The following INSYN2A variants were observed in gnomAD, a reference collection of about 807,000 sequenced individuals.
The protein encoded by INSYN2A is inhibitory synaptic factor 2A.
INSYN2A carries 17 observed loss-of-function variants against 39.4 expected under a neutral mutation model. That is an observed-to-expected ratio of 0.43 (90% CI 0.30 to 0.65). The LOEUF (loss-of-function observed/expected upper bound fraction) is 0.65, where lower values mean the gene tolerates loss of function less well. Ranked by LOEUF, INSYN2A falls within the 30% of genes least tolerant of loss-of-function variation. INSYN2A has a pLI of 0.14. For missense variants in INSYN2A, 595 were observed against 631.2 expected, an observed-to-expected ratio of 0.94 and a Z score of 0.61; for synonymous variants, 255 against 265.7, an observed-to-expected ratio of 0.96 and a Z score of 0.39.
intron 5 of INSYN2A, among the ~76,000 whole-genome samples, chr10:127,150,317 G>A (rs931811669): frequency 3.3e-5 from 5 of 152,174 alleles, no homozygotes; most frequent in African/African-American, 1.2e-4. Context: ...AGGTCATCCA[G>A]CTCAATCCCC....
intron 5 of INSYN2A, among the ~76,000 whole-genome samples, chr10:127,138,432 G>A (rs1290285031): frequency 6.6e-6 from 1 of 152,108 alleles, no homozygotes; most frequent in African/African-American, 2.4e-5. Flanking sequence ...CGCAAGGTCC[G>A]TTCCTGTGCA....
chr10:127,152,895 C>T (rs1398909479), intron 5 of INSYN2A, among the ~76,000 whole-genome samples: 1 of 152,156 alleles, frequency 6.6e-6, no homozygotes, highest in Admixed American at 6.5e-5. Context: ...CTGGGATGCT[C>T]TGTCTGGATC....
chr10:127,143,830 C>T (rs1458942959), intron 5 of INSYN2A, among the ~76,000 whole-genome samples: 2 of 152,044 alleles, frequency 1.3e-5, no homozygotes, highest in Non-Finnish European at 2.9e-5. Context: ...GAACCAGGAC[C>T]CCAAATATTT....
intron 4 of INSYN2A, among the ~76,000 whole-genome samples, chr10:127,161,364 G>A (rs1473923856): frequency 6.6e-6 from 1 of 152,204 alleles, no homozygotes; most frequent in African/African-American, 2.4e-5. Flanking sequence ...GGCTTTTGGT[G>A]ATGGTTTGTC....
intron 2 of INSYN2A, 81 bp from the exon 3 acceptor site, chr10:127,177,220 ATGG>A (rs1482579465): frequency 6.6e-6 from 1 of 152,208 alleles, no homozygotes; most frequent in East Asian, 1.9e-4. Context: ...AATGAAAACA[ATGG>A]TGGTGGTTTC....
intron 4 of INSYN2A, among the ~76,000 whole-genome samples, chr10:127,155,617 A>G (rs1337664851): frequency 6.6e-6 from 1 of 151,422 alleles, no homozygotes; most frequent in African/African-American, 2.4e-5. Context: ...TGTAGTCCTT[A>G]CCCCTTTCCT....
At chr10:127,188,532 A>G (rs1443628235) in intron 2 of INSYN2A, among the ~76,000 whole-genome samples, 1 of 152,148 alleles carries the variant, frequency 6.6e-6, no homozygotes, top group Non-Finnish European at 1.5e-5. Context: ...TTGCACAGTG[A>G]ATAACTCTGG....
intron 5 of INSYN2A, among the ~76,000 whole-genome samples, chr10:127,151,299 A>G (rs1380810739): frequency 6.6e-6 from 1 of 152,150 alleles, no homozygotes; most frequent in Non-Finnish European, 1.5e-5. Context: ...ACACTAGTTT[A>G]TTTCATTGAC....
chr10:127,163,920 C>T (rs1008300642), intron 4 of INSYN2A, among the ~76,000 whole-genome samples: 4 of 151,044 alleles, frequency 2.6e-5, no homozygotes, highest in Admixed American at 6.6e-5. Context: ...TTATTGGCCT[C>T]GCAGCTCCCC....
In INSYN2A at chr10:127,180,873, G is replaced by A. The variant is rs531696784; in HGVS notation, c.-268-3734C>T. On this transcript the variant is annotated intron_variant, in intron 2 of 5. Coordinates refer to ENST00000522781, the MANE Select transcript of INSYN2A (RefSeq NM_001039762.3). ...ATACTGGAAAAAAATGAACAAAAAC[G>A]GTCATCGTTGTGGTATTAAGATAGC... Among the ~76,000 whole-genome samples the A allele has an allele frequency of 4.6e-5, 7 of 152,246 alleles. No homozygotes were observed. The South Asian group carries it at 6.2e-4, about 14-fold the overall frequency.
intron 4 of INSYN2A, among the ~76,000 whole-genome samples, chr10:127,159,171 G>C (rs945348766): frequency 2.0e-5 from 3 of 152,180 alleles, no homozygotes; most frequent in African/African-American, 7.2e-5. Context: ...TCTACAAGGT[G>C]GTTTTTGTGG....
chr10:127,138,698 A>T (rs1418037421), intron 5 of INSYN2A, among the ~76,000 whole-genome samples: 2 of 152,186 alleles, frequency 1.3e-5, no homozygotes, highest in East Asian at 3.9e-4. Flanking sequence ...CAGAAGTAAA[A>T]TTCCATCACT....
intron 5 of INSYN2A, among the ~76,000 whole-genome samples, chr10:127,150,510 T>C (rs2052385980): frequency 6.6e-6 from 1 of 152,222 alleles, no homozygotes; most frequent in Admixed American, 6.5e-5. Flanking sequence ...TTTCACGACA[T>C]AAGTGGTGCA....
At chr10:127,141,218 C>T (rs2051209646) in intron 5 of INSYN2A, among the ~76,000 whole-genome samples, 1 of 152,190 alleles carries the variant, frequency 6.6e-6, no homozygotes, top group African/African-American at 2.4e-5. Context: ...TTTGCACTAA[C>T]CACAGATAAT....
intron 2 of INSYN2A, among the ~76,000 whole-genome samples, chr10:127,190,364 G>T (rs1332950578): frequency 7.2e-5 from 11 of 152,160 alleles, no homozygotes; most frequent in Non-Finnish European, 1.3e-4. Flanking sequence ...TACACAAAAA[G>T]TTACAAGTGG....
intron 4 of INSYN2A, among the ~76,000 whole-genome samples, chr10:127,170,111 C>A (rs2133818553): frequency 6.6e-6 from 1 of 151,998 alleles, no homozygotes; most frequent in Non-Finnish European, 1.5e-5. Context: ...CAGGGAACTG[C>A]CCCCATGATG....
At chr10:127,183,970 TCA>T (rs2133997295) in intron 2 of INSYN2A, among the ~76,000 whole-genome samples, 1 of 152,280 alleles carries the variant, frequency 6.6e-6, no homozygotes, top group Admixed American at 6.5e-5. Flanking sequence ...TATCCTTCCC[TCA>T]CAAAGTTTCA....
At chr10:127,183,071 CTTTTTTTTTT>C (rs3066813) in intron 2 of INSYN2A, among the ~76,000 whole-genome samples, 42 of 88,632 alleles carry the variant, frequency 4.7e-4, no homozygotes, top group African/African-American at 1.6e-3. Context: ...TATGGTGAAT[CTTTTTTTTTT>C]TTTTTTTTTT....
At chr10:127,155,225 G>T (rs1182550758) in intron 4 of INSYN2A, among the ~76,000 whole-genome samples, 2 of 152,022 alleles carry the variant, frequency 1.3e-5, no homozygotes, top group African/African-American at 4.8e-5. Flanking sequence ...GTTTTAAATT[G>T]AAAATAACTT....
Sources: allele counts gnomAD v4.1 joint callset (sites outside exome capture counted in the v4.1 genomes callset), GRCh38; gene constraint gnomAD v4.1.1; transcripts MANE v1.5; gene names NCBI Gene and HGNC (gene_info 2026-07-23, HGNC 2026-07-21).